The following FRMD3 variants were observed in gnomAD, a reference collection of about 807,000 sequenced individuals.
The protein encoded by FRMD3 is FERM domain containing 3, also known as FERM domain-containing protein 3.
FRMD3 carries 33 observed loss-of-function variants against 70.2 expected under a neutral mutation model. That is an observed-to-expected ratio of 0.47 (90% confidence interval 0.36 to 0.63). FRMD3 has a LOEUF of 0.63. Among genes scored for constraint, FRMD3 ranks in the 20% least tolerant of loss-of-function variants. FRMD3 has a pLI of 0.00. For synonymous variants in FRMD3, 279 were observed against 255.9 expected, an observed-to-expected ratio of 1.09 and a Z score of -0.86; for missense variants, 632 against 711.4, an observed-to-expected ratio of 0.89 and a Z score of 1.27.
chr9:83,427,094 C>T (rs10217669), intron 1 of FRMD3, among the ~76,000 whole-genome samples: 17,936 of 152,194 alleles, frequency 0.12, 1,262 homozygotes, highest in African/African-American at 0.18. Flanking sequence ...CTTAAAGGCA[C>T]CTAAGTATAG....
intron 13 of FRMD3, among the ~76,000 whole-genome samples, chr9:83,274,624 G>A (rs747123038): frequency 6.6e-6 from 1 of 152,172 alleles, no homozygotes; most frequent in Non-Finnish European, 1.5e-5. Flanking sequence ...GAGAGAGAAG[G>A]ATAAGAGGGT....
intron 1 of FRMD3, among the ~76,000 whole-genome samples, chr9:83,463,830 T>A (rs937099896): frequency 6.6e-6 from 1 of 152,198 alleles, no homozygotes; most frequent in Non-Finnish European, 1.5e-5. Flanking sequence ...TGCCCATTGA[T>A]GGCCAGTGTG....
chr9:83,536,930 T>TAAAAAAAAAAAAAAAAAAAAAA lies in FRMD3; in HGVS notation c.147+1133_147+1154dup, dbSNP rs142272516. On this transcript the variant is annotated intron_variant, in intron 1 of 13. Coordinates refer to ENST00000304195, the MANE Select transcript of FRMD3 (RefSeq NM_174938.6). ...ATGGGTGGTGTGCCCTGTATTACACTAAAAAAAAAAAAAAAAAAAAAAAGC... is the reference window on the plus strand; with the variant it reads ...ATGGGTGGTGTGCCCTGTATTACACTAAAAAAAAAAAAAAAAAAAAAAAAAAAAAAAAAAAAAAAAAAAAAGC... 6.1e-4 allele frequency among the ~76,000 whole-genome samples: 37 copies of TAAAAAAAAAAAAAAAAAAAAAA among 60,892 alleles called. 4 individuals are homozygous for TAAAAAAAAAAAAAAAAAAAAAA. Among genetic ancestry groups the TAAAAAAAAAAAAAAAAAAAAAA allele is most frequent in the Admixed American group, 1.0e-3 (5 of 4,840 alleles). The allele number at this position is 60,892 out of a possible 152,430, so 39.9% of individuals were successfully genotyped here.
chr9:83,501,949 C>T (rs1829078583), intron 1 of FRMD3, among the ~76,000 whole-genome samples: 1 of 152,172 alleles, frequency 6.6e-6, no homozygotes, highest in Non-Finnish European at 1.5e-5. Flanking sequence ...AAATGAAGTA[C>T]AATTTAAGTC....
intron 5 of FRMD3, among the ~76,000 whole-genome samples, chr9:83,342,052 T>TCTCTCG (rs1381189424): frequency 1.5e-4 from 23 of 151,222 alleles, no homozygotes; most frequent in African/African-American, 5.4e-4. Context: ...CATCTCTCTC[T>TCTCTCG]CTCTCTCTCT....
chr9:83,563,072 T>C, the FRMD3 span, among the ~76,000 whole-genome samples: 1 of 151,676 alleles, frequency 6.6e-6, no homozygotes, highest in South Asian at 2.1e-4. Context: ...ATGCCCAAAA[T>C]TACACAATGA....
chr9:83,501,902 T>C (rs1197969476), intron 1 of FRMD3, among the ~76,000 whole-genome samples: 1 of 152,224 alleles, frequency 6.6e-6, no homozygotes, highest in East Asian at 1.9e-4. Context: ...CTCTTTTCTC[T>C]GCAATGCATT....
At chr9:83,478,363 A>G (rs1828448746) in intron 1 of FRMD3, among the ~76,000 whole-genome samples, 1 of 152,182 alleles carries the variant, frequency 6.6e-6, no homozygotes, top group South Asian at 2.1e-4. Context: ...CTATCCAGAA[A>G]CCCATAATTT....
intron 4 of FRMD3, among the ~76,000 whole-genome samples, chr9:83,344,359 T>C (rs1292396011): frequency 2.1e-5 from 1 of 46,618 alleles, no homozygotes; most frequent in East Asian, 0.019. Context: ...CCTTGTGAGG[T>C]TAATTTTTTA....
the FRMD3 span, among the ~76,000 whole-genome samples, chr9:83,546,958 C>T: frequency 6.8e-6 from 1 of 146,806 alleles, no homozygotes; most frequent in African/African-American, 2.5e-5. Context: ...CAATATGTTG[C>T]TCACAAGAAA....
At chr9:83,306,289 T>C (rs1320198770) in intron 10 of FRMD3, among the ~76,000 whole-genome samples, 2 of 152,172 alleles carry the variant, frequency 1.3e-5, no homozygotes, top group Non-Finnish European at 2.9e-5. Flanking sequence ...CCCCCTCCCA[T>C]AGGTCTGTCT....
chr9:83,312,140 C>T (rs953770927), intron 7 of FRMD3, among the ~76,000 whole-genome samples, 165 bp from the exon 8 acceptor site: 3 of 152,260 alleles, frequency 2.0e-5, no homozygotes, highest in African/African-American at 4.8e-5. Context: ...TAAGAGCAGG[C>T]CTTTCAAAGT....
chr9:83,272,054 C>A (rs1272537462), intron 13 of FRMD3, among the ~76,000 whole-genome samples: 1 of 152,070 alleles, frequency 6.6e-6, no homozygotes, highest in Non-Finnish European at 1.5e-5. Flanking sequence ...AGTCACTGCT[C>A]CTGCTCTCCC....
At chr9:83,258,013 T>C (rs867457067) in intron 13 of FRMD3, among the ~76,000 whole-genome samples, 6 of 152,208 alleles carry the variant, frequency 3.9e-5, no homozygotes, top group Non-Finnish European at 8.8e-5. Context: ...AGAAATACTG[T>C]ATAAAATGAA....
intron 3 of FRMD3, among the ~76,000 whole-genome samples, chr9:83,350,405 C>A (rs542980686): frequency 1.5e-4 from 23 of 151,784 alleles, no homozygotes; most frequent in African/African-American, 5.3e-4. Flanking sequence ...AGGCAGATCA[C>A]CTGAGGTCAG....
intron 1 of FRMD3, among the ~76,000 whole-genome samples, chr9:83,463,526 A>C (rs762281428): frequency 8.5e-5 from 13 of 152,152 alleles, no homozygotes; most frequent in Admixed American, 3.3e-4. Context: ...CTATCATGAG[A>C]ACAGTAGCAT....
chr9:83,410,903 C>G (rs1238484252), intron 1 of FRMD3, among the ~76,000 whole-genome samples: 1 of 152,190 alleles, frequency 6.6e-6, no homozygotes, highest in Non-Finnish European at 1.5e-5. Flanking sequence ...AGAATGAGGC[C>G]AGGCCAGCTC....
chr9:83,291,994 AG>A (rs1231707431), intron 12 of FRMD3, among the ~76,000 whole-genome samples: 2 of 152,040 alleles, frequency 1.3e-5, no homozygotes, highest in Admixed American at 6.6e-5. Flanking sequence ...TTAGCCATGG[AG>A]TCCTTTTCTT....
intron 4 of FRMD3, among the ~76,000 whole-genome samples, chr9:83,349,055 C>T (rs750464124): frequency 4.6e-5 from 7 of 152,196 alleles, no homozygotes; most frequent in African/African-American, 1.2e-4. Context: ...CGCACAGCAG[C>T]GCTCTCTCTC....
Sources: gnomAD v4.1 joint callset for allele counts (sites outside exome capture counted in the v4.1 genomes callset) on GRCh38, gnomAD v4.1.1 for gene constraint, MANE v1.5 for transcripts, NCBI Gene and HGNC (gene_info 2026-07-23, HGNC 2026-07-21) for gene names.